The following EIF2S1 variants were observed in gnomAD, a reference collection of about 807,000 sequenced individuals.
EIF2S1 encodes the protein eukaryotic translation initiation factor 2 subunit 1.
In EIF2S1, 5 loss-of-function variants were observed where a neutral mutation model predicts 33.5. That is an observed-to-expected ratio of 0.15 (90% CI 0.08 to 0.31). The LOEUF (loss-of-function observed/expected upper bound fraction) is 0.31, where lower values mean the gene tolerates loss of function less well. EIF2S1 is among the 10% of genes least tolerant of loss of function. The pLI, the probability that EIF2S1 is intolerant of heterozygous loss-of-function variation, is 1.00. For missense variants in EIF2S1, 191 were observed against 384.6 expected, an observed-to-expected ratio of 0.50 and a Z score of 4.21; for synonymous variants, 99 against 127.5, an observed-to-expected ratio of 0.78 and a Z score of 1.51.
intron 4 of EIF2S1, among the ~76,000 whole-genome samples, chr14:67,377,986 G>A (rs900283264): frequency 6.6e-6 from 1 of 151,872 alleles, no homozygotes; most frequent in Non-Finnish European, 1.5e-5. Context: ...GGTAGCATTT[G>A]CCTGTAGTAG....
intron 7 of EIF2S1, 134 bp from the exon 8 acceptor site, chr14:67,383,181 C>A: frequency 1.0e-6 from 1 of 977,088 alleles, no homozygotes; most frequent in Non-Finnish European, 1.5e-6. Flanking sequence ...TGATAAGTCA[C>A]TCAAAAGTGA....
In EIF2S1 at chr14:67,385,933, A is replaced by G. The variant is rs1406071818; in HGVS notation, c.*2493A>G. On this transcript the variant is annotated 3_prime_UTR_variant, in exon 8 of 8. Transcript: ENST00000256383. Reference sequence around the variant, plus strand: ...ACTTCAGCCATTCTACTTTTACACCAAGAACAAAATGGCTAGAGATTTTTT... The same window carrying G: ...ACTTCAGCCATTCTACTTTTACACCGAGAACAAAATGGCTAGAGATTTTTT... 1.3e-5 allele frequency: 2 copies of G among 152,182 alleles called. No homozygotes were observed. Among genetic ancestry groups the G allele is most frequent in the Admixed American group, 6.5e-5 (1 of 15,278 alleles). 9.4% of individuals were successfully genotyped at this position (152,182 alleles called of 1,614,324 possible). A position where few individuals can be genotyped will look rare whatever the true frequency, so the allele number is the denominator to read the frequency against.
intron 2 of EIF2S1, among the ~76,000 whole-genome samples, chr14:67,368,175 G>A (rs988773550): frequency 2.0e-5 from 3 of 152,178 alleles, no homozygotes; most frequent in African/African-American, 7.2e-5. Context: ...GCTTTTGTTG[G>A]AGTTTCTGCA....
chr14:67,360,427 T>C lies in EIF2S1; in HGVS notation c.-31T>C. ...GTGATTGAAGAAGTCGGCTCTGGGC[T>C]CCAGTGCGGGAATCACACACATACC... On this transcript the variant is annotated 5_prime_UTR_variant, in exon 1 of 8. Transcript: ENST00000256383. The C allele has an allele frequency of 2.6e-6, 1 of 391,152 alleles. No individual in the cohort carries two copies. Among genetic ancestry groups the C allele is most frequent in the Non-Finnish European group, 4.5e-6 (1 of 221,784 alleles). The allele number at this position is 391,152 out of a possible 1,614,324, so 24.2% of individuals were successfully genotyped here.
chr14:67,382,914 T>C (rs921468870), intron 7 of EIF2S1, among the ~76,000 whole-genome samples: 1 of 151,846 alleles, frequency 6.6e-6, no homozygotes, highest in Non-Finnish European at 1.5e-5. Context: ...CGTGCGTGTG[T>C]GTGTGTGTGT....
intron 2 of EIF2S1, among the ~76,000 whole-genome samples, chr14:67,369,701 C>T (rs1280308978): frequency 2.0e-5 from 3 of 152,088 alleles, no homozygotes; most frequent in African/African-American, 7.2e-5. Flanking sequence ...TAAATAAGCC[C>T]TTCCAAATAA....
rs368580546 is a variant in EIF2S1, at chr14:67,386,176, A to G, written c.*2736A>G. The G allele has an allele frequency of 2.0e-5, 3 of 152,674 alleles. No homozygotes were observed. The highest frequency in any genetic ancestry group is 7.2e-5 in the African/African-American group (3 of 41,466). The allele number at this position is 152,674 out of a possible 1,614,324, so 9.5% of individuals were successfully genotyped here. ...ATTCAAAAGGCAAAACAAAAAAACT[A>G]ATTCCAGGGACATTAGACCTTGGTG... On this transcript the variant is annotated 3_prime_UTR_variant, in exon 8 of 8. Coordinates refer to ENST00000256383, the MANE Select transcript of EIF2S1 (RefSeq NM_004094.5).
chr14:67,381,343 A>G (rs2085886840), intron 5 of EIF2S1, among the ~76,000 whole-genome samples: 1 of 152,092 alleles, frequency 6.6e-6, no homozygotes, highest in Non-Finnish European at 1.5e-5. Context: ...CAAATTCCTA[A>G]AAGTAGAATT....
intron 2 of EIF2S1, among the ~76,000 whole-genome samples, chr14:67,365,521 G>A (rs750594402): frequency 1.3e-5 from 2 of 152,162 alleles, no homozygotes; most frequent in Non-Finnish European, 2.9e-5. Flanking sequence ...TAATTAGAAT[G>A]TTTGCATCTA....
intron 4 of EIF2S1, among the ~76,000 whole-genome samples, chr14:67,378,314 C>CT (rs34487632): frequency 0.017 from 1,792 of 107,424 alleles, 8 homozygotes; most frequent in Middle Eastern, 0.034. Context: ...TCTCATGTGA[C>CT]TTTTTTTTTT....
chr14:67,378,732 CTT>C (rs2085870882), intron 4 of EIF2S1, among the ~76,000 whole-genome samples: 1 of 152,196 alleles, frequency 6.6e-6, no homozygotes, highest in Non-Finnish European at 1.5e-5. Context: ...CCTTAGCACT[CTT>C]TTCTTGCTTC....
intron 2 of EIF2S1, among the ~76,000 whole-genome samples, chr14:67,373,329 T>C (rs1373273809): frequency 6.6e-6 from 1 of 152,208 alleles, no homozygotes; most frequent in Non-Finnish European, 1.5e-5. Flanking sequence ...ATGTAAGTCA[T>C]ACAATTTTTA....
chr14:67,379,689 C>T (rs1225691215), intron 4 of EIF2S1, among the ~76,000 whole-genome samples: 1 of 116,616 alleles, frequency 8.6e-6, no homozygotes, highest in East Asian at 3.9e-4. Context: ...GAGTCTCGCT[C>T]TGTCGCCCAG....
chr14:67,378,381 A>G (rs1168408655), intron 4 of EIF2S1, among the ~76,000 whole-genome samples: 1 of 150,402 alleles, frequency 6.6e-6, no homozygotes, highest in African/African-American at 2.5e-5. Flanking sequence ...AATAATGATA[A>G]CTAACATTTA....
Position 67,386,115 on chromosome 14 carries a change from C to G in EIF2S1, c.*2675C>G, listed in dbSNP as rs2085922139. 1 of 152,528 alleles carries G rather than the reference C, an allele frequency of 6.6e-6. No homozygotes were observed. Among genetic ancestry groups the G allele is most frequent in the Admixed American group, 6.5e-5 (1 of 15,282 alleles). 9.4% of individuals were successfully genotyped at this position (152,528 alleles called of 1,614,324 possible). A position where few individuals can be genotyped will look rare whatever the true frequency, so the allele number is the denominator to read the frequency against. On this transcript the variant is annotated 3_prime_UTR_variant, in exon 8 of 8. Transcript: ENST00000256383. The stretch of plus-strand genomic sequence containing the variant: ...AATTTGGAGGCAGGAAGCCATCAAA[C>G]TAAACGTAGTTTAATTCAGATGAAC...
chr14:67,372,602 G>A (rs1379988319), intron 2 of EIF2S1, among the ~76,000 whole-genome samples: 1 of 152,170 alleles, frequency 6.6e-6, no homozygotes, highest in Non-Finnish European at 1.5e-5. Flanking sequence ...AGGCCAAGGT[G>A]GGCAGATCAT....
At chr14:67,368,703 A>C (rs930933110) in intron 2 of EIF2S1, among the ~76,000 whole-genome samples, 8 of 149,070 alleles carry the variant, frequency 5.4e-5, no homozygotes, top group African/African-American at 2.0e-4. Context: ...TAAAAGGTTA[A>C]GGATGTATAT....
At chr14:67,374,295 T>G (rs1340215608) in intron 2 of EIF2S1, among the ~76,000 whole-genome samples, 173 bp from the exon 3 acceptor site, 1 of 152,190 alleles carries the variant, frequency 6.6e-6, no homozygotes, top group African/African-American at 2.4e-5. Context: ...CCCAAGCATT[T>G]CTGATGAGGG....
chr14:67,382,919 G>T (rs1335691676), intron 7 of EIF2S1, among the ~76,000 whole-genome samples: 1 of 151,962 alleles, frequency 6.6e-6, no homozygotes, highest in Non-Finnish European at 1.5e-5. Context: ...GTGTGTGTGT[G>T]TGTGTGTGTT....
Sources: allele counts gnomAD v4.1 joint callset (sites outside exome capture counted in the v4.1 genomes callset), GRCh38; gene constraint gnomAD v4.1.1; transcripts MANE v1.5; gene names NCBI Gene and HGNC (gene_info 2026-07-23, HGNC 2026-07-21).